The following ALK variants were observed in gnomAD, a reference collection of about 807,000 sequenced individuals.
ALK encodes ALK receptor tyrosine kinase.
Under a neutral mutation model 163.1 loss-of-function variants are expected in ALK, and 74 were observed. The ratio of observed to expected loss-of-function variants is 0.45; its 90% CI spans 0.38 to 0.55. The LOEUF is 0.55. ALK is among the 20% of genes least tolerant of loss of function. The probability of loss-of-function intolerance (pLI) is 0.00; values close to 1 mark genes in which losing one functional copy is unlikely to be tolerated. For synonymous variants in ALK, 960 were observed against 843.2 expected (o/e 1.14, Z -2.40); for missense variants, 2,063 against 2,105.3 (o/e 0.98, Z 0.39).
chr2:29,651,146 T>C (rs992047872), intron 3 of ALK, among the ~76,000 whole-genome samples: 4 of 152,138 alleles, frequency 2.6e-5, no homozygotes, highest in African/African-American at 9.7e-5. Context: ...TTAAGAGCTA[T>C]CTGAGTGCCA....
intron 1 of ALK, among the ~76,000 whole-genome samples, chr2:29,781,416 C>T (rs890909609): frequency 3.0e-4 from 45 of 152,152 alleles, no homozygotes; most frequent in African/African-American, 9.4e-4. Context: ...TTTCCCCATC[C>T]TCCTTGCATG....
At chr2:29,484,295 A>G (rs1311304559) in intron 4 of ALK, among the ~76,000 whole-genome samples, 3 of 152,110 alleles carry the variant, frequency 2.0e-5, no homozygotes, top group Non-Finnish European at 2.9e-5. Context: ...TGCATTCTTG[A>G]GACAAATCCT....
Position 29,193,084 on chromosome 2 carries a change from G to C in ALK, c.*140C>G, listed in dbSNP as rs950584612. ...CTTTCTAAAGCATTTTCAAAATACA[G>C]CTTTTTTGGTGGTACTTCAAAATAG... On this transcript the variant is annotated 3_prime_UTR_variant, in exon 29 of 29. Coordinates refer to ENST00000389048, the MANE Select transcript of ALK (RefSeq NM_004304.5). The C allele has an allele frequency of 2.2e-6, 2 of 918,882 alleles. No individual in the cohort carries two copies. Among genetic ancestry groups the C allele is most frequent in the African/African-American group, 1.7e-5 (1 of 60,432 alleles). 56.9% of individuals were successfully genotyped at this position (918,882 alleles called of 1,614,324 possible). A position where few individuals can be genotyped will look rare whatever the true frequency, so the allele number is the denominator to read the frequency against.
intron 3 of ALK, among the ~76,000 whole-genome samples, chr2:29,607,867 CTT>C (rs1175430673): frequency 1.3e-5 from 2 of 151,968 alleles, no homozygotes; most frequent in Non-Finnish European, 2.9e-5. Context: ...TCCCACATTT[CTT>C]TCTTTTTTTT....
intron 11 of ALK, among the ~76,000 whole-genome samples, chr2:29,265,302 G>A (rs1413222462): frequency 6.6e-6 from 1 of 152,180 alleles, no homozygotes; most frequent in Non-Finnish European, 1.5e-5. Context: ...ACAGGCATGA[G>A]CCACTGTGCC....
intron 8 of ALK, among the ~76,000 whole-genome samples, chr2:29,303,936 C>T (rs1012227655): frequency 6.6e-6 from 1 of 152,138 alleles, no homozygotes; most frequent in African/African-American, 2.4e-5. Context: ...GTAGTAAACT[C>T]ACTATTTGGG....
chr2:29,518,248 G>A (rs1475863615), intron 4 of ALK, among the ~76,000 whole-genome samples: 1 of 152,194 alleles, frequency 6.6e-6, no homozygotes, highest in African/African-American at 2.4e-5. Flanking sequence ...TGGGCCTGAT[G>A]CAATTTACTC....
chr2:29,540,809 T>G (rs889833239), intron 3 of ALK, among the ~76,000 whole-genome samples: 2 of 152,138 alleles, frequency 1.3e-5, no homozygotes, highest in Non-Finnish European at 2.9e-5. Flanking sequence ...CTTATAACCC[T>G]GCAAACTAAA....
chr2:29,554,074 C>T (rs1261444191), intron 3 of ALK, among the ~76,000 whole-genome samples: 1 of 152,122 alleles, frequency 6.6e-6, no homozygotes, highest in African/African-American at 2.4e-5. Context: ...ATGAAGTTTA[C>T]TGATTTGCCT....
chr2:29,804,314 A>G (rs1033655336), intron 1 of ALK, among the ~76,000 whole-genome samples: 4 of 152,240 alleles, frequency 2.6e-5, no homozygotes, highest in African/African-American at 9.6e-5. Context: ...CCTTGATGCC[A>G]TCTCATTCCA....
At chr2:29,763,859 G>T (rs2148339220) in intron 1 of ALK, among the ~76,000 whole-genome samples, 1 of 152,268 alleles carries the variant, frequency 6.6e-6, no homozygotes, top group East Asian at 1.9e-4. Flanking sequence ...AGAGGGAAAT[G>T]CAGAGGGGAG....
intron 11 of ALK, among the ~76,000 whole-genome samples, chr2:29,270,343 G>A (rs766200052): frequency 2.0e-5 from 3 of 152,172 alleles, no homozygotes; most frequent in African/African-American, 7.2e-5. Context: ...ATCTGTTAAA[G>A]GGGGATACTA....
intron 4 of ALK, among the ~76,000 whole-genome samples, chr2:29,498,932 A>T (rs1172064898): frequency 1.3e-5 from 2 of 152,294 alleles, no homozygotes; most frequent in African/African-American, 2.4e-5. Flanking sequence ...TGGAAGCTAG[A>T]AGATCACCTA....
chr2:29,437,631 A>C (rs6547927), intron 4 of ALK, among the ~76,000 whole-genome samples: 128,400 of 151,740 alleles, frequency 0.85, 55,544 homozygotes, highest in Non-Finnish European at 0.95. Flanking sequence ...TATTGAGATA[A>C]ACAATTATAG....
At chr2:29,759,403 C>T (rs1045319660) in intron 1 of ALK, among the ~76,000 whole-genome samples, 2 of 152,086 alleles carry the variant, frequency 1.3e-5, no homozygotes, top group African/African-American at 4.8e-5. Context: ...AATCAAAGAT[C>T]CCTGGGCATG....
rs951168409 is a variant in ALK at position 29,810,193 on chromosome 2, G to A, written c.668-92496C>T. Among the ~76,000 whole-genome samples, 18 of 152,054 alleles carry A rather than the reference G, an allele frequency of 1.2e-4. 1 individual carries two copies. Among genetic ancestry groups the A allele is most frequent in the South Asian group, 2.1e-4 (1 of 4,826 alleles). On this transcript the variant is annotated intron_variant, in intron 1 of 28. Transcript: ENST00000389048. Reference sequence around the variant, plus strand: ...TCCCAGCACTTTGGGAGGCCAAGGCGGGTGAATCACCTGAGGTCAGGAGCT... The same window carrying A: ...TCCCAGCACTTTGGGAGGCCAAGGCAGGTGAATCACCTGAGGTCAGGAGCT...
At chr2:29,786,253 T>C (rs1336857646) in intron 1 of ALK, among the ~76,000 whole-genome samples, 3 of 152,152 alleles carry the variant, frequency 2.0e-5, no homozygotes, top group East Asian at 1.9e-4. Context: ...GAAATGTCTA[T>C]AGAACCCGAG....
chr2:29,587,484 C>T (rs6753992), intron 3 of ALK, among the ~76,000 whole-genome samples: 1 of 152,186 alleles, frequency 6.6e-6, no homozygotes, highest in Non-Finnish European at 1.5e-5. Flanking sequence ...TTGTTTTCCC[C>T]CCTGAGGTGA....
intron 1 of ALK, among the ~76,000 whole-genome samples, chr2:29,837,312 G>A (rs1665588091): frequency 6.6e-6 from 1 of 152,172 alleles, no homozygotes; most frequent in South Asian, 2.1e-4. Flanking sequence ...GGGATTTGGA[G>A]CTACTGAGGT....
Sources: allele counts gnomAD v4.1 joint callset (sites outside exome capture counted in the v4.1 genomes callset), GRCh38; gene constraint gnomAD v4.1.1; transcripts MANE v1.5; gene names NCBI Gene and HGNC (gene_info 2026-07-23, HGNC 2026-07-21).